Variants in ERC2 observed in about 807,000 individuals in gnomAD.
ERC2 encodes ELKS/RAB6-interacting/CAST family member 2, also known as ERC protein 2.
ERC2 carries 42 observed loss-of-function variants against 114.8 expected under a neutral mutation model. The observed-to-expected ratio is 0.37, with a 90% CI of 0.29 to 0.47. The LOEUF (loss-of-function observed/expected upper bound fraction) is 0.47, where lower values mean the gene tolerates loss of function less well. Ranked by LOEUF, ERC2 falls within the 20% of genes least tolerant of loss-of-function variation. The pLI, the probability that ERC2 is intolerant of heterozygous loss-of-function variation, is 0.99. For synonymous variants in ERC2, 454 were observed against 425.5 expected, an observed-to-expected ratio of 1.07 and a Z score of -0.82; for missense variants, 939 against 1,150.7, an observed-to-expected ratio of 0.82 and a Z score of 2.66.
At chr3:56,060,950 G>T (rs1381062713) in intron 7 of ERC2, among the ~76,000 whole-genome samples, 1 of 151,978 alleles carries the variant, frequency 6.6e-6, no homozygotes, top group African/African-American at 2.4e-5. Flanking sequence ...GATAAAGATG[G>T]CCTGGCATGA....
intron 6 of ERC2, among the ~76,000 whole-genome samples, chr3:56,083,255 T>C (rs756201939): frequency 6.6e-5 from 10 of 152,300 alleles, no homozygotes; most frequent in Admixed American, 2.6e-4. Context: ...CATAATAACA[T>C]AGGTGAATCT....
chr3:56,336,540 C>T (rs1463978285), intron 2 of ERC2, among the ~76,000 whole-genome samples: 1 of 152,092 alleles, frequency 6.6e-6, no homozygotes, highest in African/African-American at 2.4e-5. Context: ...ATGTCTGTAA[C>T]CCCAGCACTT....
Position 56,349,929 on chromosome 3 carries a change from A to G in ERC2, c.658-53494T>C, listed in dbSNP as rs562018876. 3.3e-5 allele frequency among the ~76,000 whole-genome samples: 5 copies of G among 152,242 alleles called. No individual in the cohort carries two copies. The East Asian group carries it at 9.6e-4, about 29-fold the overall frequency. On this transcript the variant is annotated intron_variant, in intron 2 of 17. Coordinates refer to ENST00000288221, the MANE Select transcript of ERC2 (RefSeq NM_015576.3). ...CTCCGTCTCAAAAAAAAAAAAAGAA[A>G]AAAAGAAAAACTACCTATCAGGTAC...
At chr3:56,221,513 G>A (rs2049909958) in intron 3 of ERC2, among the ~76,000 whole-genome samples, 1 of 152,004 alleles carries the variant, frequency 6.6e-6, no homozygotes, top group Non-Finnish European at 1.5e-5. Context: ...TCCTATAGAA[G>A]AGAACACTGA....
intron 7 of ERC2, among the ~76,000 whole-genome samples, chr3:56,029,743 C>A (rs1045950178): frequency 2.0e-5 from 3 of 151,972 alleles, no homozygotes; most frequent in Non-Finnish European, 4.4e-5. Context: ...GGAGATTTAT[C>A]AATTTTATTT....
At chr3:55,689,812 A>G (rs1301347333) in intron 16 of ERC2, among the ~76,000 whole-genome samples, 1 of 151,488 alleles carries the variant, frequency 6.6e-6, no homozygotes, top group South Asian at 2.1e-4. Context: ...AAAAAAAAGA[A>G]AAAAAAAAGA....
At position 56,135,024 on chromosome 3, in the gene ERC2, C is replaced by T. The variant is rs555830922; in HGVS notation, c.1473+4485G>A. Among the ~76,000 whole-genome samples, 4 of 151,814 alleles carry T rather than the reference C, an allele frequency of 2.6e-5. No individual in the cohort carries two copies. The South Asian group carries it at 8.3e-4, about 32-fold the overall frequency. On this transcript the variant is annotated intron_variant, in intron 6 of 17. Transcript: ENST00000288221. ...TGCAGTGGCATGATCTCAACTCATGCTCATTGCAACTTCTGCCTCCCAGGT... is the reference window on the plus strand; with the variant it reads ...TGCAGTGGCATGATCTCAACTCATGTTCATTGCAACTTCTGCCTCCCAGGT...
At chr3:56,000,370 T>TA (rs2071938271) in intron 10 of ERC2, among the ~76,000 whole-genome samples, 2 of 151,884 alleles carry the variant, frequency 1.3e-5, no homozygotes, top group South Asian at 4.1e-4. Context: ...TCTATATACA[T>TA]AAAAAAATTT....
intron 7 of ERC2, among the ~76,000 whole-genome samples, chr3:56,050,576 C>T (rs2075717485): frequency 6.6e-6 from 1 of 152,192 alleles, no homozygotes; most frequent in African/African-American, 2.4e-5. Context: ...CTAAGCTCCA[C>T]AACTCCACCC....
chr3:56,144,620 T>C (rs2081045388), intron 5 of ERC2, among the ~76,000 whole-genome samples: 2 of 152,212 alleles, frequency 1.3e-5, no homozygotes. Context: ...CAACTGGATA[T>C]AGACAATAGG....
intron 12 of ERC2, among the ~76,000 whole-genome samples, chr3:55,967,488 A>C (rs1034442605): frequency 6.6e-6 from 1 of 152,140 alleles, no homozygotes. Context: ...ATAAATCCTA[A>C]ATTATTTCTT....
At chr3:56,157,962 C>T (rs549501706) in intron 4 of ERC2, among the ~76,000 whole-genome samples, 78 of 152,282 alleles carry the variant, frequency 5.1e-4, no homozygotes, top group African/African-American at 1.7e-3. Context: ...AAGGAAATTG[C>T]AATCCCTAAA....
At chr3:56,021,575 A>T (rs1251180398) in intron 7 of ERC2, among the ~76,000 whole-genome samples, 2 of 151,864 alleles carry the variant, frequency 1.3e-5, no homozygotes, top group East Asian at 3.9e-4. Context: ...TGGGAGCTAA[A>T]TTTTTTAATT....
intron 1 of ERC2, among the ~76,000 whole-genome samples, chr3:56,444,095 T>A (rs1418252392): frequency 2.0e-5 from 3 of 150,154 alleles, no homozygotes; most frequent in Non-Finnish European, 1.5e-5. Context: ...CCCCAGTAGC[T>A]GGGACCAAGG....
At chr3:55,952,666 T>G (rs1214581338) in intron 12 of ERC2, among the ~76,000 whole-genome samples, 1 of 152,112 alleles carries the variant, frequency 6.6e-6, no homozygotes, top group Non-Finnish European at 1.5e-5. Flanking sequence ...TCTTATTACT[T>G]TAGAATACAG....
At chr3:56,213,523 C>T (rs559905549) in intron 3 of ERC2, among the ~76,000 whole-genome samples, 15 of 152,306 alleles carry the variant, frequency 9.8e-5, no homozygotes, top group South Asian at 2.1e-4. Flanking sequence ...CCAGGAAGCT[C>T]GAACTGGGTG....
intron 3 of ERC2, among the ~76,000 whole-genome samples, chr3:56,187,784 T>C (rs2083715783): frequency 6.6e-6 from 1 of 152,058 alleles, no homozygotes; most frequent in Admixed American, 6.5e-5. Flanking sequence ...GGGGAGGGAA[T>C]TATAGGATCC....
At position 56,178,244 on chromosome 3, in the gene ERC2, A is replaced by G. The variant is rs1560314424; in HGVS notation, c.1075-4724T>C. Among the ~76,000 whole-genome samples, 3 of 152,324 alleles carry G rather than the reference A, an allele frequency of 2.0e-5. No individual in the cohort carries two copies. In the South Asian group the frequency reaches 6.2e-4, roughly 32 times the overall value. ...ACTTTCTTCAACAGACCAAATAATA[A>G]TAACAACAAGTAAAAACTTAACTTT... is the stretch of plus-strand genomic sequence containing the variant. On this transcript the variant is annotated intron_variant, in intron 3 of 17. Transcript: ENST00000288221.
At chr3:55,850,603 C>T (rs958153140) in intron 14 of ERC2, among the ~76,000 whole-genome samples, 15 of 152,118 alleles carry the variant, frequency 9.9e-5, no homozygotes, top group African/African-American at 3.4e-4. Flanking sequence ...GTCTAAATAA[C>T]AGCCAAGACC....
Sources: gnomAD v4.1 joint callset for allele counts (sites outside exome capture counted in the v4.1 genomes callset) on GRCh38, gnomAD v4.1.1 for gene constraint, MANE v1.5 for transcripts, NCBI Gene and HGNC (gene_info 2026-07-23, HGNC 2026-07-21) for gene names.